Variants in COL23A1 observed in about 807,000 individuals in gnomAD.
The protein encoded by COL23A1 is collagen alpha-1(XXIII) chain.
Under a neutral mutation model 99.3 loss-of-function variants are expected in COL23A1, and 97 were observed. That is an observed-to-expected ratio of 0.98 (90% confidence interval 0.83 to 1.16). COL23A1 has a LOEUF of 1.16. COL23A1 is among the 50% of genes most tolerant of loss of function. COL23A1 has a pLI of 0.00. For missense variants in COL23A1, 762 were observed against 757.4 expected, an observed-to-expected ratio of 1.01 and a Z score of -0.07; for synonymous variants, 320 against 308.2, an observed-to-expected ratio of 1.04 and a Z score of -0.40.
intron 17 of COL23A1, among the ~76,000 whole-genome samples, chr5:178,250,314 C>T (rs995017604): frequency 6.6e-6 from 1 of 152,210 alleles, no homozygotes; most frequent in African/African-American, 2.4e-5. Context: ...GTTGTTATGT[C>T]ACAGATTCGG....
chr5:178,443,015 G>A (rs528640504), intron 2 of COL23A1: 92 of 152,384 alleles, frequency 6.0e-4, no homozygotes, highest in African/African-American at 2.2e-3. Context: ...GGCCCTGAAA[G>A]GTTTGAAGCA....
intron 2 of COL23A1, among the ~76,000 whole-genome samples, chr5:178,358,571 A>ATGTG (rs148430182): frequency 0.1 from 13,638 of 135,822 alleles, 815 homozygotes; most frequent in Middle Eastern, 0.28. Context: ...TGTATGTCTA[A>ATGTG]TGTGTATGTG....
At chr5:178,404,046 G>A (rs183612624) in intron 2 of COL23A1, among the ~76,000 whole-genome samples, 1 of 152,314 alleles carries the variant, frequency 6.6e-6, no homozygotes, top group African/African-American at 2.4e-5. Flanking sequence ...CAGGCAGATG[G>A]GGTCTCCTGC....
rs956291359 is a variant in COL23A1 at position 178,252,589 on chromosome 5, G to A, written c.969C>T (p.Pro323=). The part of the protein sequence containing the change: ...GRILDALKGP[P]GPQGPPGPPG... ...GTGGCCCTGGGGGCCCCTGTGGTCC[G>A]GGAGGCCCCTGTGTGTGAGAGTGAA... Residue 323 remains proline, a synonymous_variant, in exon 17 of 29, where the codon CCC becomes CCT. Transcript: ENST00000390654. 3 of 1,610,172 alleles carry A rather than the reference G, an allele frequency of 1.9e-6. No homozygotes were observed. Among genetic ancestry groups the A allele is most frequent in the Non-Finnish European group, 2.5e-6 (3 of 1,178,426 alleles).
chr5:178,338,593 C>T (rs1305271567), intron 2 of COL23A1, among the ~76,000 whole-genome samples: 3 of 151,430 alleles, frequency 2.0e-5, no homozygotes, highest in African/African-American at 7.4e-5. Flanking sequence ...CACTGGCCAG[C>T]ACCGGGAATG....
rs1000892574 is a variant in COL23A1 at position 178,428,343 on chromosome 5, A to C, written c.362-121424T>G. 5.9e-5 allele frequency among the ~76,000 whole-genome samples: 9 copies of C among 152,226 alleles called. No homozygotes were observed. Among genetic ancestry groups the C allele is most frequent in the African/African-American group, 2.2e-4 (9 of 41,466 alleles). ...GCTGGCCATCCCCTCTAGAACCTGCAGGACCATGGAGCCAGCTCTTTGCAC... is the reference window on the plus strand; with the variant it reads ...GCTGGCCATCCCCTCTAGAACCTGCCGGACCATGGAGCCAGCTCTTTGCAC... On this transcript the variant is annotated intron_variant, in intron 2 of 28. Transcript: ENST00000390654. This position sits in a 1 kb window ranked among gnomAD's most constrained non-coding sequence, Gnocchi z 5.0.
At chr5:178,270,129 C>T (rs1411914947) in intron 6 of COL23A1, among the ~76,000 whole-genome samples, 2 of 152,324 alleles carry the variant, frequency 1.3e-5, no homozygotes, top group Non-Finnish European at 2.9e-5. Context: ...CAAGAAGCCT[C>T]AGGCTTGGGA....
Position 178,313,128 on chromosome 5 carries a change from C to A in COL23A1, c.362-6209G>T, listed in dbSNP as rs1164614794. ...TACGGAAGGATTCCACTTCTGGAGG[C>A]TCCTGCAGTCGCCAGATTCACAGGG... On this transcript the variant is annotated intron_variant, in intron 2 of 28. Coordinates refer to ENST00000390654, the MANE Select transcript of COL23A1 (RefSeq NM_173465.4). This position sits in a 1 kb window ranked among gnomAD's most constrained non-coding sequence, Gnocchi z 4.2. 6.6e-6 allele frequency among the ~76,000 whole-genome samples: 1 copy of A among 152,148 alleles called. No homozygotes were observed. The highest frequency in any genetic ancestry group is 1.5e-5 in the Non-Finnish European group (1 of 68,028).
rs183656310 is a variant in COL23A1 at position 178,280,003 on chromosome 5, G to A, written c.441+8321C>T. 4.4e-3 allele frequency among the ~76,000 whole-genome samples: 663 copies of A among 152,346 alleles called. 5 individuals are homozygous for A. Among genetic ancestry groups the A allele is most frequent in the Non-Finnish European group, 7.6e-3 (517 of 68,032 alleles). ...ACCCCTGGATGTGTTTCCTGCTACC[G>A]TATCCCAAATGCCGAAGCGCCTCGT... On this transcript the variant is annotated intron_variant, in intron 5 of 28. Transcript: ENST00000390654. The surrounding 1 kb of genome is among the most constrained non-coding windows in gnomAD (Gnocchi z 4.9).
intron 22 of COL23A1, among the ~76,000 whole-genome samples, chr5:178,247,097 G>A (rs562498408): frequency 1.0e-4 from 15 of 150,442 alleles, no homozygotes; most frequent in African/African-American, 2.7e-4. Context: ...CAGGGAACAC[G>A]CCATCATGTA....
At chr5:178,450,559 T>A (rs1313462947) in intron 2 of COL23A1, among the ~76,000 whole-genome samples, 2 of 152,222 alleles carry the variant, frequency 1.3e-5, no homozygotes, top group Non-Finnish European at 2.9e-5. Flanking sequence ...CACCGGTGTC[T>A]GTGCTGTTAC....
chr5:178,311,319 G>A (rs1374395057), intron 2 of COL23A1, among the ~76,000 whole-genome samples: 1 of 152,172 alleles, frequency 6.6e-6, no homozygotes, highest in East Asian at 1.9e-4. Flanking sequence ...TGGGAGTGGT[G>A]GCAACTAGAC....
At chr5:178,424,733 G>T (rs1273361593) in intron 2 of COL23A1, among the ~76,000 whole-genome samples, 2 of 152,150 alleles carry the variant, frequency 1.3e-5, no homozygotes, top group Admixed American at 1.3e-4. Context: ...GCACTAGCTG[G>T]GCCGCCCTGG....
chr5:178,372,263 G>C (rs138422437), intron 2 of COL23A1, among the ~76,000 whole-genome samples: 4 of 152,236 alleles, frequency 2.6e-5, no homozygotes, highest in Admixed American at 6.5e-5. Context: ...GCTGGGCTCC[G>C]ATGTGGCTGG....
At chr5:178,329,170 T>C (rs1224820126) in intron 2 of COL23A1, among the ~76,000 whole-genome samples, 1 of 152,254 alleles carries the variant, frequency 6.6e-6, no homozygotes, top group African/African-American at 2.4e-5. Context: ...GAAAGTTCAC[T>C]GCCAAATTGA....
At chr5:178,252,851 C>T (rs1482609774) in intron 16 of COL23A1, among the ~76,000 whole-genome samples, 1 of 152,216 alleles carries the variant, frequency 6.6e-6, no homozygotes, top group Non-Finnish European at 1.5e-5. Flanking sequence ...CCATGGACGG[C>T]CCTCTGCCCC....
rs1373165350 is a variant in COL23A1, at chr5:178,396,833, T to C, written c.362-89914A>G. Among the ~76,000 whole-genome samples the C allele has an allele frequency of 3.3e-5, 5 of 151,162 alleles. No homozygotes were observed. In the East Asian group the frequency reaches 9.8e-4, roughly 30 times the overall value. The stretch of plus-strand genomic sequence containing the variant: ...CCAGGCTTGGTTCCGGCCCCGGCTG[T>C]CCTCCGAGAGTCTCTCCCCGGCGGG... On this transcript the variant is annotated intron_variant, in intron 2 of 28. Coordinates refer to ENST00000390654, the MANE Select transcript of COL23A1 (RefSeq NM_173465.4).
intron 2 of COL23A1, among the ~76,000 whole-genome samples, chr5:178,393,666 T>TC (rs11369871): frequency 4.8e-4 from 72 of 151,262 alleles, no homozygotes; most frequent in Non-Finnish European, 9.4e-4. Flanking sequence ...TTTTTTTTTT[T>TC]CCAGACAGGG....
At position 178,589,874 on chromosome 5, in the gene COL23A1, TC is replaced by T; in HGVS notation, c.294+29del. The T allele has an allele frequency of 1.6e-6, 2 of 1,287,318 alleles. No individual in the cohort carries two copies. Among genetic ancestry groups the T allele is most frequent in the Non-Finnish European group, 9.8e-7 (1 of 1,020,938 alleles). The allele number at this position is 1,287,318 out of a possible 1,614,324, so 79.7% of individuals were successfully genotyped here. On this transcript the variant is annotated intron_variant, in intron 1 of 28. Transcript: ENST00000390654. The surrounding 1 kb of genome is among the most constrained non-coding windows in gnomAD (Gnocchi z 5.4). ...CCACCCTCAACCCGACACACCCAAG[TC>T]CGCCCCAGCCACGCGCCAAGACGCT...
Sources: allele counts gnomAD v4.1 joint callset (sites outside exome capture counted in the v4.1 genomes callset), GRCh38; gene constraint gnomAD v4.1.1; non-coding constraint Gnocchi (gnomAD v3.1); transcripts MANE v1.5; gene names NCBI Gene and HGNC (gene_info 2026-07-23, HGNC 2026-07-21).